The following ANKRD31 variants were observed in gnomAD, a reference collection of about 807,000 sequenced individuals.
ANKRD31 encodes the protein ankyrin repeat domain 31, also known as ankyrin repeat domain-containing protein 31.
Under a neutral mutation model 186.0 loss-of-function variants are expected in ANKRD31, and 147 were observed. The ratio of observed to expected loss-of-function variants is 0.79; its 90% CI spans 0.69 to 0.91. The LOEUF (loss-of-function observed/expected upper bound fraction) is 0.91, where lower values mean the gene tolerates loss of function less well. ANKRD31 is among the 40% of genes least tolerant of loss of function. The pLI, the probability that ANKRD31 is intolerant of heterozygous loss-of-function variation, is 0.00. For missense variants in ANKRD31, 1,986 were observed against 2,148.8 expected, an observed-to-expected ratio of 0.92 and a Z score of 1.50; for synonymous variants, 673 against 736.4, an observed-to-expected ratio of 0.91 and a Z score of 1.39.
At chr5:75,182,238 CT>C (rs1754368773) in intron 10 of ANKRD31, among the ~76,000 whole-genome samples, 5 of 152,188 alleles carry the variant, frequency 3.3e-5, no homozygotes, top group Admixed American at 3.3e-4. Context: ...TGAAAATTTG[CT>C]TACCAATATG....
At chr5:75,234,707 G>T (rs1758152089) in intron 1 of ANKRD31, among the ~76,000 whole-genome samples, 1 of 152,186 alleles carries the variant, frequency 6.6e-6, no homozygotes, top group African/African-American at 2.4e-5. Context: ...CAGAAGCACT[G>T]TGTCAAAGAG....
intron 20 of ANKRD31, among the ~76,000 whole-genome samples, chr5:75,109,157 G>A (rs890112334): frequency 6.6e-6 from 1 of 152,128 alleles, no homozygotes; most frequent in Middle Eastern, 3.4e-3. Context: ...GTAGTAATAC[G>A]GAGTAAACCT....
intron 5 of ANKRD31, among the ~76,000 whole-genome samples, chr5:75,200,916 A>C (rs1242329230): frequency 6.6e-6 from 1 of 151,858 alleles, no homozygotes; most frequent in Non-Finnish European, 1.5e-5. Flanking sequence ...CGCCTCAAAA[A>C]AAAAAAAGAA....
chr5:75,104,258 TG>T lies in ANKRD31; in HGVS notation c.5300del (p.Pro1767GlnfsTer21). 6.6e-7 allele frequency: 1 copy of T among 1,516,950 alleles called. No homozygotes were observed. Among genetic ancestry groups the T allele is most frequent in the Non-Finnish European group, 8.8e-7 (1 of 1,136,704 alleles). The allele number at this position is 1,516,950 out of a possible 1,614,324, so 94.0% of individuals were successfully genotyped here. A position where few individuals can be genotyped will look rare whatever the true frequency, so the allele number is the denominator to read the frequency against. The stretch of plus-strand genomic sequence containing the variant: ...TTTTGAATTCCAGAATGTTATTTCC[TG>T]GGTTAATTCTTCCTAGTAATATCAA... ...KDLILLGRIN[P>X]GNNILEFKTQ... On this transcript the variant is annotated frameshift_variant, in exon 22 of 26. Coordinates refer to ENST00000506364, the MANE Select transcript of ANKRD31 (RefSeq NM_001372053.1). LOFTEE classifies it high-confidence loss of function.
At chr5:75,141,730 G>A (rs1363684714) in intron 15 of ANKRD31, among the ~76,000 whole-genome samples, 3 of 151,890 alleles carry the variant, frequency 2.0e-5, no homozygotes, top group Non-Finnish European at 4.4e-5. Context: ...GTGAGCCTGG[G>A]AGGTCAAGGC....
At chr5:75,232,618 G>C (rs1324729350) in intron 1 of ANKRD31, among the ~76,000 whole-genome samples, 1 of 151,880 alleles carries the variant, frequency 6.6e-6, no homozygotes, top group East Asian at 1.9e-4. Flanking sequence ...AGAATTTTGG[G>C]GGATAATGAC....
intron 10 of ANKRD31, among the ~76,000 whole-genome samples, chr5:75,180,834 A>G (rs1580501421): frequency 2.0e-5 from 3 of 152,190 alleles, no homozygotes; most frequent in African/African-American, 7.2e-5. Flanking sequence ...CAAGGACTTC[A>G]TGTCTAAACA....
rs145312009 is a variant in ANKRD31 at position 75,201,468 on chromosome 5, G to A, written c.404-1794C>T. On this transcript the variant is annotated intron_variant, in intron 5 of 25. Coordinates refer to ENST00000506364, the MANE Select transcript of ANKRD31 (RefSeq NM_001372053.1). ...ATACATCTTCAACTACCTTTGGAAG[G>A]AGAGGTTTTTTTAAATAAAATTTCA... 2.4e-3 allele frequency among the ~76,000 whole-genome samples: 363 copies of A among 152,238 alleles called. 4 individuals carry two copies. Among genetic ancestry groups the A allele is most frequent in the Non-Finnish European group, 4.2e-3 (285 of 68,014 alleles).
intron 3 of ANKRD31, among the ~76,000 whole-genome samples, chr5:75,219,725 T>C (rs562825173): frequency 2.4e-4 from 37 of 152,300 alleles, no homozygotes; most frequent in African/African-American, 8.4e-4. Flanking sequence ...AGGAATCACA[T>C]TGCCTGTCTT....
chr5:75,078,722 T>C (rs1744853071), intron 25 of ANKRD31, among the ~76,000 whole-genome samples: 2 of 152,314 alleles, frequency 1.3e-5, no homozygotes, highest in East Asian at 1.9e-4. Flanking sequence ...TTGTGAAAAA[T>C]ATGTCAATAC....
chr5:75,158,474 C>T (rs2150167138), intron 11 of ANKRD31, among the ~76,000 whole-genome samples: 1 of 152,232 alleles, frequency 6.6e-6, no homozygotes, highest in East Asian at 1.9e-4. Context: ...TGCTATAATA[C>T]ATTATCTTAA....
At chr5:75,218,089 A>T (rs1299431907) in intron 3 of ANKRD31, among the ~76,000 whole-genome samples, 1 of 152,188 alleles carries the variant, frequency 6.6e-6, no homozygotes, top group African/African-American at 2.4e-5. Flanking sequence ...GAAATATCCA[A>T]AAATCAGAGC....
intron 17 of ANKRD31, among the ~76,000 whole-genome samples, chr5:75,137,188 A>T (rs753094076): frequency 6.6e-6 from 1 of 152,158 alleles, no homozygotes; most frequent in African/African-American, 2.4e-5. Flanking sequence ...TACTTTAATT[A>T]AAAATATTTT....
Position 75,078,431 on chromosome 5 carries a change from A to C in ANKRD31, c.5647+2137T>G, listed in dbSNP as rs958963849. Among the ~76,000 whole-genome samples the C allele has an allele frequency of 5.6e-4, 86 of 152,260 alleles. 1 individual carries two copies. Among genetic ancestry groups the C allele is most frequent in the African/African-American group, 2.0e-3 (83 of 41,470 alleles). On this transcript the variant is annotated intron_variant, in intron 25 of 25. Coordinates refer to ENST00000506364, the MANE Select transcript of ANKRD31 (RefSeq NM_001372053.1). ...ACCATTTTATTAGGAACAAAAAAAT[A>C]GCCTATTTTTTTCTGGAAAAGCATG...
intron 9 of ANKRD31, among the ~76,000 whole-genome samples, chr5:75,191,463 C>G (rs1424135472): frequency 2.0e-5 from 3 of 151,998 alleles, no homozygotes. Flanking sequence ...TTTTATTTTT[C>G]AGAATTTTCT....
At chr5:75,197,981 A>G (rs1418150732) in intron 6 of ANKRD31, among the ~76,000 whole-genome samples, 1 of 152,192 alleles carries the variant, frequency 6.6e-6, no homozygotes, top group Non-Finnish European at 1.5e-5. Flanking sequence ...ACCTTGAACC[A>G]AGAAGACAGA....
At chr5:75,176,677 C>T (rs1321101979) in intron 10 of ANKRD31, among the ~76,000 whole-genome samples, 2 of 152,284 alleles carry the variant, frequency 1.3e-5, no homozygotes, top group Middle Eastern at 3.4e-3. Context: ...AGGTTCCTGA[C>T]TGTTAGAAGG....
chr5:75,170,943 G>A (rs1047910822), intron 10 of ANKRD31, among the ~76,000 whole-genome samples: 28 of 152,046 alleles, frequency 1.8e-4, no homozygotes, highest in African/African-American at 5.5e-4. Flanking sequence ...CAATCATAAC[G>A]TTATGTATCT....
chr5:75,078,970 C>T (rs912081721), intron 25 of ANKRD31, among the ~76,000 whole-genome samples: 1 of 152,174 alleles, frequency 6.6e-6, no homozygotes, highest in African/African-American at 2.4e-5. Flanking sequence ...GGATGGTTCA[C>T]AGTTTTCATC....
Sources: gnomAD v4.1 joint callset for allele counts (sites outside exome capture counted in the v4.1 genomes callset) on GRCh38, gnomAD v4.1.1 for gene constraint, MANE v1.5 for transcripts, NCBI Gene and HGNC (gene_info 2026-07-23, HGNC 2026-07-21) for gene names.